Variants in HLA-DRB1 observed in about 807,000 individuals in gnomAD.
HLA-DRB1 encodes the protein major histocompatibility complex, class II, DR beta 1, also known as major histocompatibility complex, class II, DR beta 1 precursor.
In HLA-DRB1, 10 loss-of-function variants were observed where a neutral mutation model predicts 27.9. The observed-to-expected ratio is 0.36, with a 90% CI of 0.22 to 0.61. The LOEUF (loss-of-function observed/expected upper bound fraction) is 0.61. HLA-DRB1 is among the 20% of genes least tolerant of loss of function. HLA-DRB1 has a pLI of 0.73. For missense variants in HLA-DRB1, 118 were observed against 306.3 expected (o/e 0.39, Z 4.59); for synonymous variants, 57 against 126.7 (o/e 0.45, Z 3.69).
intron 1 of HLA-DRB1, among the ~76,000 whole-genome samples, chr6:32,588,666 A>G (rs9270209): frequency 0.012 from 553 of 46,022 alleles, 20 homozygotes; most frequent in Middle Eastern, 0.029. Context: ...TGAGTTCCCA[A>G]GACTTGCCCA....
Position 32,589,362 on chromosome 6 carries a change from T to A in HLA-DRB1, c.100+281A>T, listed in dbSNP as rs73729329. ...GAATTTATTTTAGAATCCTTATTTCTAAATCCTCTAAAGACCCTGAGGACA... is the reference window on the plus strand; with the variant it reads ...GAATTTATTTTAGAATCCTTATTTCAAAATCCTCTAAAGACCCTGAGGACA... On this transcript the variant is annotated intron_variant, in intron 1 of 5. Coordinates refer to ENST00000360004, the Ensembl canonical transcript of HLA-DRB1. 9.5e-3 allele frequency among the ~76,000 whole-genome samples: 1,207 copies of A among 127,598 alleles called. 4 individuals are homozygous for A. Among genetic ancestry groups the A allele is most frequent in the South Asian group, 0.031 (115 of 3,708 alleles). The allele number at this position is 127,598 out of a possible 152,430, so 83.7% of individuals were successfully genotyped here.
chr6:32,581,533 T>C, intron 3 of HLA-DRB1, 24 bp downstream of exon 3: 1 of 754,528 alleles, frequency 1.3e-6, no homozygotes, highest in Non-Finnish European at 1.9e-6. Context: ...GGTGAGAAAT[T>C]TAGGAAGTCA....
At chr6:32,586,225 T>A (rs111734989) in intron 1 of HLA-DRB1, among the ~76,000 whole-genome samples, 2,596 of 73,394 alleles carry the variant, frequency 0.035, 51 homozygotes, top group Admixed American at 0.056. Flanking sequence ...TAGGTTCAGC[T>A]GGCTCCCTGA....
At chr6:32,581,305 T>C (rs35367613) in intron 3 of HLA-DRB1, among the ~76,000 whole-genome samples, 1,394 of 75,130 alleles carry the variant, frequency 0.019, no homozygotes, top group Admixed American at 0.039. Flanking sequence ...TGGGTGACCC[T>C]GACCTGCAAA....
At chr6:32,582,494 C>A (rs11751344) in intron 2 of HLA-DRB1, among the ~76,000 whole-genome samples, 4,772 of 75,252 alleles carry the variant, frequency 0.063, 189 homozygotes, top group African/African-American at 0.1. Flanking sequence ...ATGAGGAAAC[C>A]AAGTATGAAT....
intron 1 of HLA-DRB1, among the ~76,000 whole-genome samples, chr6:32,585,583 A>G (rs35056248): frequency 0.017 from 1,877 of 112,184 alleles, 2 homozygotes; most frequent in East Asian, 0.082. Flanking sequence ...TGTATTCCTT[A>G]ATTCTAAAGC....
chr6:32,588,008 C>T (rs41288151), intron 1 of HLA-DRB1, among the ~76,000 whole-genome samples: 54,372 of 141,936 alleles, frequency 0.38, 10,280 homozygotes, highest in African/African-American at 0.47. Flanking sequence ...GGGGCTCAAG[C>T]TCCAGCACTC....
chr6:32,583,187 G>C (rs9269883), intron 2 of HLA-DRB1, among the ~76,000 whole-genome samples: 1 of 59,736 alleles, frequency 1.7e-5, no homozygotes, highest in African/African-American at 6.8e-5. Flanking sequence ...GGAATTCTTA[G>C]AGCAATAATT....
exon 2 of HLA-DRB1, chr6:32,584,193 T>A (rs17886918): frequency 0.027 from 28,800 of 1,050,310 alleles, 4,648 homozygotes; most frequent in Middle Eastern, 0.11. Flanking sequence ...TGCTCCAGGA[T>A]GTCCTTCTGG....
intron 1 of HLA-DRB1, among the ~76,000 whole-genome samples, chr6:32,588,455 A>AAAAGGCAGGCCCTATCTC (rs1776839491): frequency 2.2e-5 from 1 of 46,298 alleles, no homozygotes; most frequent in Non-Finnish European, 4.4e-5. Flanking sequence ...CCCTACCTCA[A>AAAAGGCAGGCCCTATCTC]AAAGAGAAAA....
chr6:32,589,503 T>C (rs1319138963), intron 1 of HLA-DRB1, 140 bp downstream of exon 1: 42,721 of 328,064 alleles, frequency 0.13, 8,292 homozygotes, highest in East Asian at 0.21. Context: ...GAGGAAATAA[T>C]TTGGGATCCA....
At chr6:32,581,404 C>CTGAT (rs1775465200) in intron 3 of HLA-DRB1, among the ~76,000 whole-genome samples, 153 bp downstream of exon 3, 1,233 of 48,102 alleles carry the variant, frequency 0.026, no homozygotes, top group East Asian at 0.037. Context: ...CTAGAAACAC[C>CTGAT]TACAGGGCTA....
At chr6:32,584,703 G>A (rs1218220275) in intron 1 of HLA-DRB1, among the ~76,000 whole-genome samples, 2 of 105,492 alleles carry the variant, frequency 1.9e-5, no homozygotes, top group Non-Finnish European at 3.8e-5. Flanking sequence ...CCTCCTGGGA[G>A]CCCCAAAGAC....
In HLA-DRB1 at chr6:32,584,283, A is replaced by AG. The variant is rs1440748108; in HGVS notation, c.195_196insC (p.Ser66LeufsTer21). 0.014 allele frequency: 19,142 copies of AG among 1,397,956 alleles called. 745 individuals are homozygous for AG. Among genetic ancestry groups the AG allele is most frequent in the East Asian group, 0.035 (1,436 of 41,028 alleles). 86.6% of individuals were successfully genotyped at this position (1,397,956 alleles called of 1,614,324 possible). Reference sequence around the variant, plus strand: ...CCCACGTCGCTGTCGAAGCGCACGGACTCCTCCTGGTTATAGAAGTATCTG... The same window carrying AG: ...CCCACGTCGCTGTCGAAGCGCACGGAGCTCCTCCTGGTTATAGAAGTATCTG... On this transcript the variant is annotated frameshift_variant, in exon 2 of 6. Transcript: ENST00000360004. LOFTEE classifies it high-confidence loss of function.
At position 32,579,091 on chromosome 6, in the gene HLA-DRB1, T is replaced by TCAGCTCAGAAGTC; in HGVS notation, c.800_801insGACTTCTGAGCTG (p.Ter267TrpfsTer9). The stretch of plus-strand genomic sequence containing the variant: ...TTCCTTGAATGTGGTCATCTGCATT[T>TCAGCTCAGAAGTC]CAGCTCAGGAATCCTGCAAAAGACA... On this transcript the variant is annotated frameshift_variant and stop_lost, in exon 6 of 6. Transcript: ENST00000360004. LOFTEE classifies it high-confidence loss of function. 1 of 893,376 alleles carries TCAGCTCAGAAGTC rather than the reference T, an allele frequency of 1.1e-6. No homozygotes were observed. The highest frequency in any genetic ancestry group is 2.0e-5 in the South Asian group (1 of 50,204). 55.3% of individuals were successfully genotyped at this position (893,376 alleles called of 1,614,324 possible).
rs67184706 is a variant in HLA-DRB1, at chr6:32,581,845, G to GA, written c.371-8dup. The stretch of plus-strand genomic sequence containing the variant: ...ACAGTCACCTTAGGTTGGACTAGGA[G>GA]AAAAACAACGTAGAGGGAATGAGTC... On this transcript the variant is annotated splice_region_variant and splice_polypyrimidine_tract_variant and intron_variant, in intron 2 of 5. Coordinates refer to ENST00000360004, the Ensembl canonical transcript of HLA-DRB1. 8 of 1,066,060 alleles carry GA rather than the reference G, an allele frequency of 7.5e-6. No individual in the cohort carries two copies. Among genetic ancestry groups the GA allele is most frequent in the African/African-American group, 2.4e-5 (1 of 42,236 alleles). The allele number at this position is 1,066,060 out of a possible 1,614,324, so 66.0% of individuals were successfully genotyped here. A position where few individuals can be genotyped will look rare whatever the true frequency, so the allele number is the denominator to read the frequency against.
chr6:32,589,459 C>A (rs1408281758), intron 1 of HLA-DRB1, among the ~76,000 whole-genome samples, 184 bp downstream of exon 1: 1 of 63,722 alleles, frequency 1.6e-5, no homozygotes, highest in Non-Finnish European at 3.1e-5. Flanking sequence ...ACACAAGTCT[C>A]ATGAAGAGGG....
chr6:32,582,064 T>A (rs9269823), intron 2 of HLA-DRB1, among the ~76,000 whole-genome samples: 7,766 of 108,670 alleles, frequency 0.071, 629 homozygotes, highest in African/African-American at 0.095. Context: ...TTCTTCATAG[T>A]TTTAAATCGG....
intron 2 of HLA-DRB1, among the ~76,000 whole-genome samples, chr6:32,582,707 T>C (rs41293559): frequency 0.26 from 19,133 of 74,788 alleles, 3,708 homozygotes; most frequent in African/African-American, 0.33. Flanking sequence ...TCAATGCATC[T>C]CCCGTGCAAC....
Sources: allele counts gnomAD v4.1 joint callset (sites outside exome capture counted in the v4.1 genomes callset), GRCh38; gene constraint gnomAD v4.1.1; transcripts MANE v1.5; gene names NCBI Gene and HGNC (gene_info 2026-07-23, HGNC 2026-07-21).